SHC4: variants seen among roughly 807,000 people sequenced by gnomAD.
SHC4 encodes the protein SHC adaptor protein 4.
A neutral mutation model predicts 69.4 loss-of-function variants in SHC4; 41 were observed. That is an observed-to-expected ratio of 0.59 (90% CI 0.46 to 0.77). The LOEUF is 0.77. SHC4 is among the 30% of genes least tolerant of loss of function. SHC4 has a pLI of 0.00. For synonymous variants in SHC4, 318 were observed against 299.3 expected (o/e 1.06, Z -0.64); for missense variants, 777 against 783.8 (o/e 0.99, Z 0.10).
rs1188178574 is a variant in SHC4 at position 48,824,969 on chromosome 15, G to A, written c.*1002C>T. The A allele has an allele frequency of 6.6e-6, 1 of 152,100 alleles. No homozygotes were observed. Among genetic ancestry groups the A allele is most frequent in the Non-Finnish European group, 1.5e-5 (1 of 67,996 alleles). The allele number at this position is 152,100 out of a possible 1,614,324, so 9.4% of individuals were successfully genotyped here. ...GCATTTTGTCTGATCATATCTATAC[G>A]AGGTGCTAAGGATATATGTAGGTGA... On this transcript the variant is annotated 3_prime_UTR_variant, in exon 12 of 12. Coordinates refer to ENST00000332408, the MANE Select transcript of SHC4 (RefSeq NM_203349.4).
At chr15:48,872,793 G>A (rs1899710393) in intron 4 of SHC4, among the ~76,000 whole-genome samples, 1 of 152,180 alleles carries the variant, frequency 6.6e-6, no homozygotes, top group South Asian at 2.1e-4. Flanking sequence ...ACATTAATTA[G>A]CTAAGAAGAT....
chr15:48,921,631 C>A (rs1450517190), intron 2 of SHC4, among the ~76,000 whole-genome samples: 1 of 152,212 alleles, frequency 6.6e-6, no homozygotes, highest in Non-Finnish European at 1.5e-5. Flanking sequence ...CCACGCCTGG[C>A]CAGAAGTTAC....
intron 2 of SHC4, among the ~76,000 whole-genome samples, chr15:48,916,288 C>T (rs1168190560): frequency 7.5e-6 from 1 of 133,094 alleles, no homozygotes; most frequent in Non-Finnish European, 1.6e-5. Context: ...CACACACACA[C>T]ACACACACAC....
intron 6 of SHC4, among the ~76,000 whole-genome samples, 156 bp downstream of exon 6, chr15:48,867,662 C>A (rs564956547): frequency 6.6e-6 from 1 of 152,204 alleles, no homozygotes; most frequent in Non-Finnish European, 1.5e-5. Context: ...GCTAACAGGG[C>A]AATTTATTTC....
At chr15:48,918,650 G>A (rs1034842204) in intron 2 of SHC4, among the ~76,000 whole-genome samples, 2 of 152,086 alleles carry the variant, frequency 1.3e-5, no homozygotes, top group Non-Finnish European at 2.9e-5. Context: ...GAGTTTGAAA[G>A]AAGAGTTTCA....
chr15:48,916,845 T>C (rs1438438674), intron 2 of SHC4, among the ~76,000 whole-genome samples: 1 of 152,230 alleles, frequency 6.6e-6, no homozygotes. Context: ...CTGATTTTAT[T>C]ACTGAATACA....
At chr15:48,915,059 G>C (rs1900592871) in intron 2 of SHC4, among the ~76,000 whole-genome samples, 1 of 152,198 alleles carries the variant, frequency 6.6e-6, no homozygotes, top group Admixed American at 6.5e-5. Context: ...TGTTTCAATA[G>C]GGTTCTTTAT....
chr15:48,955,925 C>G (rs528685435), intron 1 of SHC4, among the ~76,000 whole-genome samples: 1 of 152,112 alleles, frequency 6.6e-6, no homozygotes, highest in Non-Finnish European at 1.5e-5. Flanking sequence ...CATGTCTGAG[C>G]CTTAGTTTCC....
intron 4 of SHC4, among the ~76,000 whole-genome samples, chr15:48,881,189 T>C (rs559930019): frequency 6.6e-6 from 1 of 152,258 alleles, no homozygotes; most frequent in South Asian, 2.1e-4. Context: ...ATGTTGACTG[T>C]CTTCAGGCCA....
chr15:48,906,188 G>A (rs999460617), intron 2 of SHC4, among the ~76,000 whole-genome samples: 1 of 152,082 alleles, frequency 6.6e-6, no homozygotes, highest in Non-Finnish European at 1.5e-5. Flanking sequence ...GTTTAGAAAT[G>A]TTCAACAACC....
intron 9 of SHC4, among the ~76,000 whole-genome samples, chr15:48,850,313 C>A (rs1182547829): frequency 6.6e-6 from 1 of 152,010 alleles, no homozygotes; most frequent in Non-Finnish European, 1.5e-5. Flanking sequence ...GGTAATCATA[C>A]CTATACCAGA....
chr15:48,830,942 C>A (rs2140964530), intron 11 of SHC4, among the ~76,000 whole-genome samples: 1 of 152,214 alleles, frequency 6.6e-6, no homozygotes, highest in African/African-American at 2.4e-5. Context: ...GACTGTGGAA[C>A]AATATGTGGA....
At chr15:48,854,987 A>G (rs1899284324) in intron 8 of SHC4, among the ~76,000 whole-genome samples, 1 of 152,162 alleles carries the variant, frequency 6.6e-6, no homozygotes, top group Admixed American at 6.6e-5. Flanking sequence ...TTTAGTACAC[A>G]TGTACACAAA....
intron 2 of SHC4, among the ~76,000 whole-genome samples, chr15:48,907,683 C>T (rs1900430800): frequency 6.6e-6 from 1 of 151,856 alleles, no homozygotes; most frequent in African/African-American, 2.4e-5. Flanking sequence ...TCCTGAGTTA[C>T]TTCACTTAGA....
At chr15:48,829,851 G>A (rs542324767) in intron 11 of SHC4, among the ~76,000 whole-genome samples, 18 of 152,296 alleles carry the variant, frequency 1.2e-4, no homozygotes, top group African/African-American at 3.1e-4. Context: ...CCCAGGAGGC[G>A]GAGGTTGTAG....
intron 1 of SHC4, among the ~76,000 whole-genome samples, chr15:48,955,930 G>C (rs72741927): frequency 6.6e-6 from 1 of 152,176 alleles, no homozygotes; most frequent in South Asian, 2.1e-4. Context: ...CTGAGCCTTA[G>C]TTTCCTCAAC....
intron 1 of SHC4, among the ~76,000 whole-genome samples, chr15:48,958,497 C>T (rs763195281): frequency 1.3e-5 from 2 of 152,176 alleles, no homozygotes; most frequent in Non-Finnish European, 1.5e-5. Flanking sequence ...ACTGCAGTTA[C>T]CTGCCAAAGC....
At chr15:48,933,857 T>G (rs536601967) in intron 1 of SHC4, among the ~76,000 whole-genome samples, 1 of 152,120 alleles carries the variant, frequency 6.6e-6, no homozygotes, top group Non-Finnish European at 1.5e-5. Flanking sequence ...AAAAATGACA[T>G]TGTTTTCAAC....
intron 1 of SHC4, among the ~76,000 whole-genome samples, chr15:48,961,860 A>C (rs932601102): frequency 1.3e-5 from 2 of 152,208 alleles, no homozygotes; most frequent in African/African-American, 2.4e-5. Flanking sequence ...GTAGGCAGTA[A>C]AGGCAATAAA....
Sources: gnomAD v4.1 joint callset for allele counts (sites outside exome capture counted in the v4.1 genomes callset) on GRCh38, gnomAD v4.1.1 for gene constraint, MANE v1.5 for transcripts, NCBI Gene and HGNC (gene_info 2026-07-23, HGNC 2026-07-21) for gene names.